The following ZNF569 variants were observed in gnomAD, a reference collection of about 807,000 sequenced individuals.
ZNF569 encodes zinc finger protein 569, also known as DNA-binding protein.
In ZNF569, 38 loss-of-function variants were observed where a neutral mutation model predicts 56.3. That is an observed-to-expected ratio of 0.68 (90% confidence interval 0.52 to 0.88). ZNF569 has a LOEUF of 0.88. Among genes scored for constraint, ZNF569 ranks in the 40% least tolerant of loss-of-function variants. ZNF569 has a pLI of 0.00. For missense variants in ZNF569, 666 were observed against 809.2 expected (o/e 0.82, Z 2.15); for synonymous variants, 241 against 262.9 (o/e 0.92, Z 0.81).
At chr19:37,456,226 ATAGT>A (rs1290337422) in intron 2 of ZNF569, among the ~76,000 whole-genome samples, 2 of 151,286 alleles carry the variant, frequency 1.3e-5, no homozygotes, top group Non-Finnish European at 2.9e-5. Flanking sequence ...TTGGTTTCCG[ATAGT>A]TGGTGTGGGT....
At chr19:37,429,373 A>C (rs978905906) in intron 3 of ZNF569, among the ~76,000 whole-genome samples, 4 of 152,266 alleles carry the variant, frequency 2.6e-5, no homozygotes, top group Non-Finnish European at 5.9e-5. Context: ...AGAGCAATGA[A>C]GGAGAAAGAG....
chr19:37,429,475 C>A (rs1375284922), intron 3 of ZNF569, among the ~76,000 whole-genome samples: 1 of 152,238 alleles, frequency 6.6e-6, no homozygotes, highest in Non-Finnish European at 1.5e-5. Flanking sequence ...CAAAGGTTAT[C>A]TGGGCTTTCT....
chr19:37,458,046 T>A (rs966329079), intron 2 of ZNF569, among the ~76,000 whole-genome samples: 2 of 152,064 alleles, frequency 1.3e-5, no homozygotes, highest in African/African-American at 4.8e-5. Context: ...AATTTTGATA[T>A]TTTTGGTAAA....
At chr19:37,431,284 G>C (rs569743817) in intron 3 of ZNF569, among the ~76,000 whole-genome samples, 66 of 152,126 alleles carry the variant, frequency 4.3e-4, no homozygotes, top group Non-Finnish European at 8.2e-4. Context: ...CTCCAGGAGA[G>C]ACCCCTTCCT....
chr19:37,439,891 T>C (rs1362275403), intron 3 of ZNF569, among the ~76,000 whole-genome samples: 2 of 152,144 alleles, frequency 1.3e-5, no homozygotes, highest in African/African-American at 4.8e-5. Context: ...CACAGAATGA[T>C]GGTTACCAGC....
At chr19:37,418,151 C>G (rs974730247) in intron 5 of ZNF569, among the ~76,000 whole-genome samples, 1 of 147,760 alleles carries the variant, frequency 6.8e-6, no homozygotes, top group Non-Finnish European at 1.5e-5. Flanking sequence ...AAGTTCTGTT[C>G]TATGAGTATG....
Position 37,413,805 on chromosome 19 carries a change from G to A in ZNF569, c.853C>T (p.Leu285Phe). The A allele has an allele frequency of 1.2e-6, 2 of 1,613,598 alleles. No homozygotes were observed. Among genetic ancestry groups the A allele is most frequent in the Non-Finnish European group, 1.7e-6 (2 of 1,179,940 alleles). Residue 285 changes from leucine to phenylalanine, a missense_variant, in exon 6 of 6, where the codon CTT (leucine) becomes TTT (phenylalanine). Transcript: ENST00000316950. Reference protein sequence around the residue: ...CEKSFSQKSNLIDHEKIHTGE... With the variant: ...CEKSFSQKSNFIDHEKIHTGE... ...GTATGAATTTTTTCATGATCAATAA[G>A]ATTTGATTTCTGGCTGAAGGACTTC...
chr19:37,426,084 T>G lies in ZNF569; in HGVS notation c.143-121A>C, dbSNP rs890653421. ...CAAGAAAATGTGGCTTCGGGGGTTC[T>G]GTCCCCTTTTGCTCTGAAAACTGCA... On this transcript the variant is annotated intron_variant, in intron 4 of 5. Coordinates refer to ENST00000316950, the MANE Select transcript of ZNF569 (RefSeq NM_152484.3). The G allele has an allele frequency of 6.1e-6, 8 of 1,305,690 alleles. No homozygotes were observed. In the African/African-American group the frequency reaches 8.8e-5, roughly 14 times the overall value. The allele number at this position is 1,305,690 out of a possible 1,614,324, so 80.9% of individuals were successfully genotyped here. A position where few individuals can be genotyped will look rare whatever the true frequency, so the allele number is the denominator to read the frequency against.
intron 5 of ZNF569, 128 bp downstream of exon 5, chr19:37,425,740 T>C (rs1182413505): frequency 4.0e-6 from 3 of 758,618 alleles, no homozygotes; most frequent in Admixed American, 2.2e-5. Context: ...GCTGGGACTA[T>C]AGGTATGAAC....
chr19:37,464,417 C>T lies in ZNF569; in HGVS notation c.-44+896G>A, dbSNP rs1007078107. Among the ~76,000 whole-genome samples the T allele has an allele frequency of 6.6e-5, 10 of 152,310 alleles. No individual in the cohort carries two copies. In the East Asian group the frequency reaches 1.9e-3, roughly 29 times the overall value. ...TGTTAGCCAGGATGGTCTCGATCTC[C>T]TGACCTCGTGATCCGCCCACCTTGG... On this transcript the variant is annotated intron_variant, in intron 2 of 5. Transcript: ENST00000316950.
At chr19:37,428,231 GC>G (rs751057391) in intron 3 of ZNF569, among the ~76,000 whole-genome samples, 2 of 152,164 alleles carry the variant, frequency 1.3e-5, no homozygotes, top group African/African-American at 2.4e-5. Context: ...CTGGAGCTAG[GC>G]GCGGTGGCTC....
chr19:37,442,748 G>C (rs1421357766), intron 3 of ZNF569, among the ~76,000 whole-genome samples: 5 of 152,130 alleles, frequency 3.3e-5, no homozygotes, highest in Non-Finnish European at 7.3e-5. Context: ...GAGATTAACT[G>C]AACTACAACT....
At chr19:37,454,883 G>T (rs1459225842) in intron 2 of ZNF569, 1 of 702,308 alleles carries the variant, frequency 1.4e-6, no homozygotes, top group East Asian at 2.7e-5. Flanking sequence ...TAAAGCTTGA[G>T]TCCTGTTTCT....
At chr19:37,424,497 C>T (rs1245669257) in intron 5 of ZNF569, among the ~76,000 whole-genome samples, 1 of 151,956 alleles carries the variant, frequency 6.6e-6, no homozygotes, top group Non-Finnish European at 1.5e-5. Flanking sequence ...GAGTTTGCAT[C>T]AATGGTCACT....
At chr19:37,441,658 A>C (rs2041408923) in intron 3 of ZNF569, among the ~76,000 whole-genome samples, 1 of 151,510 alleles carries the variant, frequency 6.6e-6, no homozygotes, top group Non-Finnish European at 1.5e-5. Context: ...CCTGTTTCAA[A>C]AAAAAAAAAA....
intron 2 of ZNF569, among the ~76,000 whole-genome samples, chr19:37,461,607 T>C (rs2041758869): frequency 6.6e-6 from 1 of 152,060 alleles, no homozygotes; most frequent in Admixed American, 6.6e-5. Context: ...GCCCAGCCCA[T>C]CCTTCTATGT....
chr19:37,466,260 AACGTAGCTAAT>A (rs1398264480), intron 1 of ZNF569, among the ~76,000 whole-genome samples: 3 of 152,256 alleles, frequency 2.0e-5, no homozygotes, highest in Non-Finnish European at 2.9e-5. Context: ...TACACAAAAC[AACGTAGCTAAT>A]ACACGAAAAT....
In ZNF569 at chr19:37,414,424, A is replaced by G; in HGVS notation, c.239-5T>C. 4 of 1,541,884 alleles carry G rather than the reference A, an allele frequency of 2.6e-6. No homozygotes were observed. Among genetic ancestry groups the G allele is most frequent in the Non-Finnish European group, 3.5e-6 (4 of 1,150,642 alleles). ...CATCAACTCCCCATATTTCTCCTAA[A>G]ACAGATTGCAAATAAATATCACTTA... On this transcript the variant is annotated splice_region_variant and splice_polypyrimidine_tract_variant and intron_variant, in intron 5 of 5. Coordinates refer to ENST00000316950, the MANE Select transcript of ZNF569 (RefSeq NM_152484.3).
chr19:37,437,094 C>A (rs1332463673), intron 3 of ZNF569, among the ~76,000 whole-genome samples: 1 of 150,402 alleles, frequency 6.6e-6, no homozygotes, highest in Non-Finnish European at 1.5e-5. Context: ...AAAATACTAG[C>A]AAACTGATTT....
Sources: gnomAD v4.1 joint callset for allele counts (sites outside exome capture counted in the v4.1 genomes callset) on GRCh38, gnomAD v4.1.1 for gene constraint, MANE v1.5 for transcripts, NCBI Gene and HGNC (gene_info 2026-07-23, HGNC 2026-07-21) for gene names.